The following TNFRSF13B variants were observed in gnomAD, a reference collection of about 807,000 sequenced individuals.
TNFRSF13B encodes the protein tumor necrosis factor receptor superfamily member 13B.
TNFRSF13B carries 34 observed loss-of-function variants against 24.0 expected under a neutral mutation model. The observed-to-expected ratio is 1.41, with a 90% CI of 1.08 to 1.88. The LOEUF (loss-of-function observed/expected upper bound fraction) is 1.88. Ranked by LOEUF, TNFRSF13B falls within the 40% of genes most tolerant of loss-of-function variation. TNFRSF13B has a pLI of 0.00. For missense variants in TNFRSF13B, 415 were observed against 380.8 expected, an observed-to-expected ratio of 1.09 and a Z score of -0.75; for synonymous variants, 173 against 150.3, an observed-to-expected ratio of 1.15 and a Z score of -1.10.
chr17:16,966,786 C>A (rs530710622), intron 1 of TNFRSF13B, among the ~76,000 whole-genome samples: 1 of 149,588 alleles, frequency 6.7e-6, no homozygotes, highest in Admixed American at 6.6e-5. Flanking sequence ...AGTATATGTG[C>A]TGCCGAAGTG....
intron 3 of TNFRSF13B, among the ~76,000 whole-genome samples, chr17:16,942,412 G>T (rs956434051): frequency 1.3e-5 from 2 of 152,142 alleles, no homozygotes; most frequent in Admixed American, 1.3e-4. Flanking sequence ...GACTCTTAGG[G>T]GTCATCAGTG....
Position 16,972,079 on chromosome 17 carries a change from T to G in TNFRSF13B, c.-4A>C, listed in dbSNP as rs1360997787. The stretch of plus-strand genomic sequence containing the variant: ...TGCTCCGGCCCAGGCCACTCATTAC[T>G]CAGGATGCTTATTACTAGTCTTAGA... On this transcript the variant is annotated 5_prime_UTR_variant, in exon 1 of 5. Transcript: ENST00000261652. The G allele has an allele frequency of 6.2e-7, 1 of 1,613,752 alleles. No homozygotes were observed. Among genetic ancestry groups the G allele is most frequent in the African/African-American group, 1.3e-5 (1 of 74,924 alleles).
intron 1 of TNFRSF13B, among the ~76,000 whole-genome samples, chr17:16,971,178 T>G (rs2087741015): frequency 2.0e-5 from 3 of 152,074 alleles, no homozygotes; most frequent in Admixed American, 2.0e-4. Context: ...CGAAAGCCTA[T>G]CTCTACTAAA....
intron 1 of TNFRSF13B, among the ~76,000 whole-genome samples, chr17:16,954,483 A>G (rs1055107540): frequency 1.4e-4 from 22 of 152,346 alleles, no homozygotes; most frequent in African/African-American, 5.3e-4. Flanking sequence ...TGCAAAGCTG[A>G]CAGTCAAGTC....
chr17:16,959,434 G>A (rs1450528984), intron 1 of TNFRSF13B, among the ~76,000 whole-genome samples: 3 of 151,496 alleles, frequency 2.0e-5, no homozygotes, highest in Non-Finnish European at 4.4e-5. Flanking sequence ...AATAAAAATA[G>A]AACAAACCAA....
chr17:16,943,799 G>A (rs12603708), intron 3 of TNFRSF13B, among the ~76,000 whole-genome samples: 41,895 of 152,054 alleles, frequency 0.28, 7,258 homozygotes, highest in East Asian at 0.72. Context: ...GCTTTTCCTC[G>A]TCTTCTGCCG....
At position 16,962,298 on chromosome 17, in the gene TNFRSF13B, G is replaced by A. The variant is rs530884150; in HGVS notation, c.62-9715C>T. Among the ~76,000 whole-genome samples, 4 of 149,936 alleles carry A rather than the reference G, an allele frequency of 2.7e-5. No individual in the cohort carries two copies. The East Asian group carries it at 7.7e-4, about 29-fold the overall frequency. On this transcript the variant is annotated intron_variant, in intron 1 of 4. Coordinates refer to ENST00000261652, the MANE Select transcript of TNFRSF13B (RefSeq NM_012452.3). ...AAGGCAGGTGGATCATTTGAGGTCA[G>A]GAGTTCGAGACCAGCCTGGCCAATA...
At chr17:16,949,825 AC>A (rs1352570285) in intron 2 of TNFRSF13B, among the ~76,000 whole-genome samples, 42 of 151,584 alleles carry the variant, frequency 2.8e-4, no homozygotes, top group African/African-American at 9.2e-4. Flanking sequence ...AGCTGGGATT[AC>A]AGGCGACCAC....
rs752255870 is a variant in TNFRSF13B at position 16,939,559 on chromosome 17, G to GC, written c.869dup (p.Gly292ArgfsTer113). 2 of 1,612,178 alleles carry GC rather than the reference G, an allele frequency of 1.2e-6. No homozygotes were observed. Among genetic ancestry groups the GC allele is most frequent in the African/African-American group, 1.3e-5 (1 of 74,686 alleles). On this transcript the variant is annotated frameshift_variant, in exon 5 of 5. Coordinates refer to ENST00000261652, the MANE Select transcript of TNFRSF13B (RefSeq NM_012452.3). LOFTEE classifies it high-confidence loss of function. ...CCCTGACCCCCATTTATGCACCTGG[G>GC]CCCCCCTCCTGGGCAGGCACACACA...
chr17:16,945,137 G>A (rs959971481), intron 3 of TNFRSF13B, among the ~76,000 whole-genome samples: 6 of 152,238 alleles, frequency 3.9e-5, no homozygotes, highest in African/African-American at 1.2e-4. Context: ...ACCAAAAGCC[G>A]CGCCATGGCA....
intron 1 of TNFRSF13B, among the ~76,000 whole-genome samples, chr17:16,968,778 G>T (rs1265923873): frequency 6.6e-6 from 1 of 152,164 alleles, no homozygotes; most frequent in African/African-American, 2.4e-5. Context: ...CTAACTTGGA[G>T]AAAATAGGTT....
chr17:16,960,786 A>C (rs182874528), intron 1 of TNFRSF13B, among the ~76,000 whole-genome samples: 32 of 152,358 alleles, frequency 2.1e-4, no homozygotes, highest in Admixed American at 2.0e-3. Flanking sequence ...TTGTGCACCA[A>C]AGGACACTAT....
At chr17:16,941,523 A>AAGAGCGAGTCCCAC in intron 3 of TNFRSF13B, 1 of 987,608 alleles carries the variant, frequency 1.0e-6, no homozygotes, top group Non-Finnish European at 1.2e-6. Context: ...ACACGTCAAG[A>AAGAGCGAGTCCCAC]AGAGCGAGTC....
chr17:16,959,876 C>T (rs1387849496), intron 1 of TNFRSF13B, among the ~76,000 whole-genome samples: 1 of 152,070 alleles, frequency 6.6e-6, no homozygotes, highest in Non-Finnish European at 1.5e-5. Flanking sequence ...CTAGTGAATT[C>T]TACCAAAACA....
At position 16,939,338 on chromosome 17, in the gene TNFRSF13B, T is replaced by A. The variant is rs761541635; in HGVS notation, c.*209A>T. ...CTCTCTCCTTCTCTGCCTGTCTCTT[T>A]CCTTCTCTGCCTCTTTCCCTCTCTG... On this transcript the variant is annotated 3_prime_UTR_variant, in exon 5 of 5. Transcript: ENST00000261652. 7 of 585,022 alleles carry A rather than the reference T, an allele frequency of 1.2e-5. No homozygotes were observed. The highest frequency in any genetic ancestry group is 2.0e-5 in the Non-Finnish European group (7 of 353,596). 36.2% of individuals were successfully genotyped at this position (585,022 alleles called of 1,614,324 possible).
chr17:16,956,333 A>T (rs1395152481), intron 1 of TNFRSF13B, among the ~76,000 whole-genome samples: 2 of 152,222 alleles, frequency 1.3e-5, no homozygotes, highest in African/African-American at 4.8e-5. Context: ...GTAACACTCA[A>T]AATGTCCAGG....
intron 3 of TNFRSF13B, among the ~76,000 whole-genome samples, chr17:16,943,488 TC>T (rs1312788658): frequency 2.0e-5 from 3 of 151,954 alleles, no homozygotes; most frequent in African/African-American, 7.3e-5. Context: ...TGTCCTTCTG[TC>T]CCCCTCCCAG....
intron 1 of TNFRSF13B, among the ~76,000 whole-genome samples, chr17:16,959,096 A>T (rs777528876): frequency 7.9e-5 from 12 of 152,076 alleles, no homozygotes; most frequent in Non-Finnish European, 1.6e-4. Context: ...AAATTTTTTA[A>T]TTTTTTAAAA....
chr17:16,940,641 C>G, intron 3 of TNFRSF13B, 130 bp from the exon 4 acceptor site: 1 of 1,517,624 alleles, frequency 6.6e-7, no homozygotes, highest in Non-Finnish European at 8.8e-7. Context: ...GGCTCCTTTT[C>G]TGACCCTGAG....
Sources: allele counts gnomAD v4.1 joint callset (sites outside exome capture counted in the v4.1 genomes callset), GRCh38; gene constraint gnomAD v4.1.1; transcripts MANE v1.5; gene names NCBI Gene and HGNC (gene_info 2026-07-23, HGNC 2026-07-21).